The following CDH18 variants were observed in gnomAD, a reference collection of about 807,000 sequenced individuals.
CDH18 encodes cadherin-18.
Under a neutral mutation model 67.9 loss-of-function variants are expected in CDH18, and 31 were observed. The observed-to-expected ratio is 0.46, with a 90% CI of 0.34 to 0.62. CDH18 has a LOEUF of 0.62. Among genes scored for constraint, CDH18 ranks in the 20% least tolerant of loss-of-function variants. CDH18 has a pLI of 0.01. For missense variants in CDH18, 890 were observed against 975.5 expected (o/e 0.91, Z 1.17); for synonymous variants, 362 against 347.2 (o/e 1.04, Z -0.48).
chr5:20,362,623 C>G (rs1179948067), intron 1 of CDH18, among the ~76,000 whole-genome samples: 1 of 152,132 alleles, frequency 6.6e-6, no homozygotes, highest in Non-Finnish European at 1.5e-5. Context: ...GAAGAAAAGA[C>G]AATGAATTCC....
intron 2 of CDH18, among the ~76,000 whole-genome samples, chr5:19,999,749 T>C (rs1016276630): frequency 4.5e-4 from 68 of 152,068 alleles, no homozygotes; most frequent in Non-Finnish European, 7.3e-5. Flanking sequence ...TTAAAAATTA[T>C]TGGGAATTTC....
At chr5:20,026,479 GTATGTC>G (rs1164460875) in intron 2 of CDH18, among the ~76,000 whole-genome samples, 2 of 152,074 alleles carry the variant, frequency 1.3e-5, no homozygotes, top group African/African-American at 2.4e-5. Flanking sequence ...TGTACATTAT[GTATGTC>G]TATAAGCATG....
intron 2 of CDH18, among the ~76,000 whole-genome samples, chr5:20,165,090 C>A (rs1397710881): frequency 6.6e-6 from 1 of 151,998 alleles, no homozygotes; most frequent in Non-Finnish European, 1.5e-5. Flanking sequence ...TAGATAGGTG[C>A]ATTGACTAGG....
At chr5:20,072,377 T>C (rs1743555080) in intron 2 of CDH18, among the ~76,000 whole-genome samples, 1 of 152,000 alleles carries the variant, frequency 6.6e-6, no homozygotes, top group Admixed American at 6.6e-5. Flanking sequence ...TTCAGTTCCA[T>C]TGAGGGTACC....
intron 2 of CDH18, among the ~76,000 whole-genome samples, chr5:20,164,218 T>A (rs1439046502): frequency 6.6e-6 from 1 of 152,206 alleles, no homozygotes; most frequent in African/African-American, 2.4e-5. Context: ...GACAGACATT[T>A]TTCTTATTTG....
intron 2 of CDH18, among the ~76,000 whole-genome samples, chr5:20,103,660 G>A (rs892499866): frequency 4.6e-4 from 70 of 151,582 alleles, no homozygotes; most frequent in African/African-American, 1.7e-3. Context: ...TTGAACCCGG[G>A]AGGCAGAGGT....
intron 4 of CDH18, among the ~76,000 whole-genome samples, chr5:19,726,490 C>A (rs1297798647): frequency 6.6e-6 from 1 of 151,980 alleles, no homozygotes; most frequent in Non-Finnish European, 1.5e-5. Context: ...TTGAAGGGAG[C>A]ACACACACAC....
intron 2 of CDH18, among the ~76,000 whole-genome samples, chr5:20,137,644 T>A (rs1749852597): frequency 6.6e-6 from 1 of 152,100 alleles, no homozygotes. Context: ...GGAGCTGCAT[T>A]CCTCTGGAGG....
In CDH18 at chr5:19,560,816, G is replaced by GA. The variant is rs930178043; in HGVS notation, c.1253+10762dup. ...ACAAGGAACTTAAACAAATCAGCAA[G>GA]AAAAAAAAATCCCATCAAAAAGTGG... is the stretch of plus-strand genomic sequence containing the variant. On this transcript the variant is annotated intron_variant, in intron 8 of 12. Transcript: ENST00000382275. Among the ~76,000 whole-genome samples the GA allele has an allele frequency of 2.4e-3, 367 of 150,064 alleles. 2 individuals are homozygous for GA. Among genetic ancestry groups the GA allele is most frequent in the African/African-American group, 8.3e-3 (340 of 40,970 alleles).
At chr5:20,313,827 A>T (rs1304932148) in intron 1 of CDH18, among the ~76,000 whole-genome samples, 1 of 152,070 alleles carries the variant, frequency 6.6e-6, no homozygotes, top group Non-Finnish European at 1.5e-5. Context: ...GCACACAATC[A>T]TACACACATA....
intron 3 of CDH18, among the ~76,000 whole-genome samples, chr5:19,810,904 TC>T (rs1778566006): frequency 6.6e-6 from 1 of 151,706 alleles, no homozygotes; most frequent in Non-Finnish European, 1.5e-5. Flanking sequence ...ATGCCTGTAA[TC>T]CCAGCTACTT....
chr5:20,027,102 G>T (rs1738974990), intron 2 of CDH18, among the ~76,000 whole-genome samples: 1 of 151,654 alleles, frequency 6.6e-6, no homozygotes, highest in African/African-American at 2.4e-5. Flanking sequence ...TTACCTTGTT[G>T]CTTTTATAAA....
intron 1 of CDH18, among the ~76,000 whole-genome samples, chr5:20,391,632 C>G (rs1744869070): frequency 1.3e-5 from 2 of 151,942 alleles, no homozygotes; most frequent in East Asian, 3.9e-4. Context: ...ATCCACAGAG[C>G]TTTACATTAC....
At chr5:19,994,327 A>G (rs564148777) in intron 2 of CDH18, among the ~76,000 whole-genome samples, 1 of 151,520 alleles carries the variant, frequency 6.6e-6, no homozygotes, top group South Asian at 2.1e-4. Flanking sequence ...ACATATATAC[A>G]TATATTTATA....
At chr5:20,308,665 G>A (rs1277415756) in intron 1 of CDH18, among the ~76,000 whole-genome samples, 1 of 152,118 alleles carries the variant, frequency 6.6e-6, no homozygotes, top group East Asian at 1.9e-4. Context: ...AAGTTATTAA[G>A]GTAAACAAGC....
chr5:19,824,195 G>T (rs1780174939), intron 3 of CDH18, among the ~76,000 whole-genome samples: 1 of 152,150 alleles, frequency 6.6e-6, no homozygotes, highest in African/African-American at 2.4e-5. Context: ...GAAGATGGCA[G>T]ATTAGAAGCT....
At chr5:20,566,527 T>C (rs949036957) in intron 1 of CDH18, among the ~76,000 whole-genome samples, 1 of 18,118 alleles carries the variant, frequency 5.5e-5, no homozygotes, top group African/African-American at 1.5e-4. Context: ...GCCCAGCTAA[T>C]TTTTTTTTTT....
At chr5:19,520,511 G>A in intron 10 of CDH18, 146 bp downstream of exon 10, 3 of 627,928 alleles carry the variant, frequency 4.8e-6, no homozygotes, top group South Asian at 3.4e-5. Flanking sequence ...AAATTATTTG[G>A]TACTTAAAAT....
chr5:19,911,385 G>T (rs189503991), intron 2 of CDH18, among the ~76,000 whole-genome samples: 11 of 152,178 alleles, frequency 7.2e-5, no homozygotes, highest in African/African-American at 1.7e-4. Context: ...GAAGGGGAAA[G>T]ATTATACTAT....
Sources: allele counts gnomAD v4.1 joint callset (sites outside exome capture counted in the v4.1 genomes callset), GRCh38; gene constraint gnomAD v4.1.1; transcripts MANE v1.5; gene names NCBI Gene and HGNC (gene_info 2026-07-23, HGNC 2026-07-21).